CLYBL: variants seen among roughly 807,000 people sequenced by gnomAD.
CLYBL encodes the protein citramalyl-CoA lyase, mitochondrial.
CLYBL carries 31 observed loss-of-function variants against 38.9 expected under a neutral mutation model. The ratio of observed to expected loss-of-function variants is 0.80; its 90% CI spans 0.60 to 1.08. The LOEUF (loss-of-function observed/expected upper bound fraction) is 1.08, where lower values mean the gene tolerates loss of function less well. CLYBL is among the 50% of genes least tolerant of loss of function. The pLI, the probability that CLYBL is intolerant of heterozygous loss-of-function variation, is 0.00. For missense variants in CLYBL, 434 were observed against 411.6 expected, an observed-to-expected ratio of 1.05 and a Z score of -0.47; for synonymous variants, 171 against 158.6, an observed-to-expected ratio of 1.08 and a Z score of -0.59.
intron 2 of CLYBL, among the ~76,000 whole-genome samples, chr13:99,814,378 T>A (rs1655966150): frequency 6.6e-6 from 1 of 152,090 alleles, no homozygotes; most frequent in South Asian, 2.1e-4. Context: ...GAACTTAACC[T>A]CCTAGAGTTT....
At chr13:99,706,239 C>G (rs1166540115) in intron 1 of CLYBL, among the ~76,000 whole-genome samples, 1 of 152,002 alleles carries the variant, frequency 6.6e-6, no homozygotes, top group Non-Finnish European at 1.5e-5. Flanking sequence ...GTATTTTGCC[C>G]CAATTTTTAA....
chr13:99,817,672 AAGAAAAG>A (rs1340913513), intron 2 of CLYBL, among the ~76,000 whole-genome samples: 3 of 139,128 alleles, frequency 2.2e-5, no homozygotes, highest in Non-Finnish European at 4.8e-5. Flanking sequence ...AAAAAAAAAA[AAGAAAAG>A]AAAAAAGAAA....
intron 1 of CLYBL, among the ~76,000 whole-genome samples, chr13:99,632,567 C>T (rs959847101): frequency 1.3e-5 from 2 of 152,094 alleles, no homozygotes; most frequent in African/African-American, 4.8e-5. Flanking sequence ...CATAGTGAAA[C>T]CCCATCTCTA....
chr13:99,905,643 A>G, intron 9 of CLYBL, among the ~76,000 whole-genome samples: 1 of 152,272 alleles, frequency 6.6e-6, no homozygotes, highest in Admixed American at 6.5e-5. Context: ...AAGAAAGAAA[A>G]GGGGGAAGAA....
intron 2 of CLYBL, among the ~76,000 whole-genome samples, chr13:99,787,326 G>A (rs574508631): frequency 2.1e-4 from 32 of 152,186 alleles, no homozygotes; most frequent in African/African-American, 7.7e-4. Flanking sequence ...GTTTTTTATG[G>A]TTTTAGGTCT....
intron 1 of CLYBL, among the ~76,000 whole-genome samples, chr13:99,637,204 G>A (rs914739545): frequency 3.3e-5 from 5 of 152,246 alleles, no homozygotes; most frequent in African/African-American, 1.2e-4. Context: ...TAAGTGCCAG[G>A]GTAATAGAGG....
rs1001428114 is a variant in CLYBL at position 99,865,198 on chromosome 13, T to C, written c.634+287T>C. On this transcript the variant is annotated intron_variant, in intron 5 of 8. Transcript: ENST00000339105. The surrounding 1 kb of genome is among the most constrained non-coding windows in gnomAD (Gnocchi z 4.7). ...CAGGCATGCTCAGGAATATATGGCA[T>C]CTCCTTTGCTCCTAATAAATATATT... is the stretch of plus-strand genomic sequence containing the variant. The C allele has an allele frequency of 5.0e-6, 2 of 397,804 alleles. No homozygotes were observed. The highest frequency in any genetic ancestry group is 4.1e-5 in the African/African-American group (2 of 48,232). 24.6% of individuals were successfully genotyped at this position (397,804 alleles called of 1,614,324 possible).
At chr13:99,792,246 A>T (rs2049933073) in intron 2 of CLYBL, among the ~76,000 whole-genome samples, 1 of 152,214 alleles carries the variant, frequency 6.6e-6, no homozygotes, top group Non-Finnish European at 1.5e-5. Flanking sequence ...GTTCAGAGCA[A>T]GTGGGAGCTG....
intron 1 of CLYBL, among the ~76,000 whole-genome samples, chr13:99,704,141 T>C (rs903408651): frequency 6.6e-6 from 1 of 152,220 alleles, no homozygotes; most frequent in Non-Finnish European, 1.5e-5. Context: ...CAGATCTTTC[T>C]TCTGAATGAG....
At chr13:99,834,098 C>G (rs1219145870) in intron 2 of CLYBL, among the ~76,000 whole-genome samples, 1 of 152,078 alleles carries the variant, frequency 6.6e-6, no homozygotes, top group African/African-American at 2.4e-5. Context: ...GCTGAGCATG[C>G]AGTGGGAGGC....
At chr13:99,816,794 T>A (rs2050457908) in intron 2 of CLYBL, among the ~76,000 whole-genome samples, 1 of 152,202 alleles carries the variant, frequency 6.6e-6, no homozygotes, top group South Asian at 2.1e-4. Context: ...TTTTTATTGT[T>A]TATAAGCCAC....
chr13:99,649,668 C>T (rs1474739010), intron 1 of CLYBL, among the ~76,000 whole-genome samples: 5 of 151,198 alleles, frequency 3.3e-5, no homozygotes, highest in Non-Finnish European at 7.4e-5. Flanking sequence ...AGCATGAGAC[C>T]AACCTGGGCA....
intron 1 of CLYBL, among the ~76,000 whole-genome samples, chr13:99,755,810 C>G (rs938040220): frequency 2.0e-5 from 3 of 152,162 alleles, no homozygotes; most frequent in Non-Finnish European, 4.4e-5. Flanking sequence ...CCTGCATGTT[C>G]CTGGGATGGG....
rs1278407010 is a variant in CLYBL, at chr13:99,822,164, A to G, written c.250-36697A>G. On this transcript the variant is annotated intron_variant, in intron 2 of 8. Transcript: ENST00000339105. ...CGAGACCAGCAGGAGAATCATGCCA[A>G]TGGGCCAATATACATTCTGACCCAC... Among the ~76,000 whole-genome samples, 11 of 152,212 alleles carry G rather than the reference A, an allele frequency of 7.2e-5. No individual in the cohort carries two copies. The East Asian group carries it at 1.5e-3, about 21-fold the overall frequency.
intron 2 of CLYBL, among the ~76,000 whole-genome samples, chr13:99,855,234 T>C (rs2051432226): frequency 6.6e-6 from 1 of 152,218 alleles, no homozygotes; most frequent in Non-Finnish European, 1.5e-5. Flanking sequence ...ACATTTAGAA[T>C]GCAGTCCCTC....
intron 1 of CLYBL, among the ~76,000 whole-genome samples, chr13:99,644,982 G>A (rs963118798): frequency 6.6e-6 from 1 of 152,188 alleles, no homozygotes; most frequent in Non-Finnish European, 1.5e-5. Flanking sequence ...ATAAACATGG[G>A]AGTGCAGATA....
At position 99,892,486 on chromosome 13, in the gene CLYBL, C is replaced by T. The variant is rs2052513193; in HGVS notation, c.*68C>T. ...TGCAGAGGGATCAACTTGTGCTTGC[C>T]AGAGGACGCCAATGAAGTTTGAAAC... On this transcript the variant is annotated 3_prime_UTR_variant, in exon 9 of 9. Transcript: ENST00000339105. 1 of 152,620 alleles carries T rather than the reference C, an allele frequency of 6.6e-6. No homozygotes were observed. The highest frequency in any genetic ancestry group is 1.5e-5 in the Non-Finnish European group (1 of 68,046). The allele number at this position is 152,620 out of a possible 1,614,324, so 9.5% of individuals were successfully genotyped here.
chr13:99,711,264 C>G (rs2048226518), intron 1 of CLYBL, among the ~76,000 whole-genome samples: 1 of 152,118 alleles, frequency 6.6e-6, no homozygotes, highest in Non-Finnish European at 1.5e-5. Flanking sequence ...ATTTCCCACA[C>G]TTCTGGAGAC....
intron 1 of CLYBL, among the ~76,000 whole-genome samples, chr13:99,676,075 C>T (rs529338269): frequency 2.6e-5 from 4 of 152,144 alleles, no homozygotes; most frequent in South Asian, 2.1e-4. Flanking sequence ...ATGCTGGTCT[C>T]GAACTCCTAC....
Sources: allele counts gnomAD v4.1 joint callset (sites outside exome capture counted in the v4.1 genomes callset), GRCh38; gene constraint gnomAD v4.1.1; non-coding constraint Gnocchi (gnomAD v3.1); transcripts MANE v1.5; gene names NCBI Gene and HGNC (gene_info 2026-07-23, HGNC 2026-07-21).